The following ATP8A2 variants were observed in gnomAD, a reference collection of about 807,000 sequenced individuals.
ATP8A2 encodes the protein ATPase phospholipid transporting 8A2.
ATP8A2 carries 100 observed loss-of-function variants against 165.6 expected under a neutral mutation model. That is an observed-to-expected ratio of 0.60 (90% CI 0.51 to 0.71). The LOEUF is 0.71. Ranked by LOEUF, ATP8A2 falls within the 30% of genes least tolerant of loss-of-function variation. The pLI is 0.00. For missense variants in ATP8A2, 1,227 were observed against 1,479.5 expected (o/e 0.83, Z 2.80); for synonymous variants, 543 against 548.8 (o/e 0.99, Z 0.15).
chr13:25,406,595 GACAAGGAGGGCTC>G (rs1256590111), intron 1 of ATP8A2, among the ~76,000 whole-genome samples: 1 of 152,166 alleles, frequency 6.6e-6, no homozygotes, highest in Non-Finnish European at 1.5e-5. Context: ...ATGCAGAAAG[GACAAGGAGGGCTC>G]ACAGAGGAGG....
chr13:25,850,276 G>A (rs945988002), intron 30 of ATP8A2, among the ~76,000 whole-genome samples: 1 of 152,202 alleles, frequency 6.6e-6, no homozygotes, highest in South Asian at 2.1e-4. Context: ...ACACAGGTTT[G>A]GTGAGATCAC....
At chr13:25,667,213 T>C (rs2042172540) in intron 24 of ATP8A2, among the ~76,000 whole-genome samples, 2 of 152,328 alleles carry the variant, frequency 1.3e-5, no homozygotes, top group South Asian at 2.1e-4. Flanking sequence ...GATTATTTCA[T>C]GTAAATGGAA....
At chr13:25,893,065 A>T (rs1182131063) in intron 33 of ATP8A2, among the ~76,000 whole-genome samples, 2 of 151,466 alleles carry the variant, frequency 1.3e-5, no homozygotes, top group East Asian at 1.9e-4. Flanking sequence ...TATTATTATT[A>T]TACTTTTAAG....
rs951426328 is a variant in ATP8A2, at chr13:25,902,247, G to A, written c.3183+39839G>A. Among the ~76,000 whole-genome samples, 5 of 152,106 alleles carry A rather than the reference G, an allele frequency of 3.3e-5. No individual in the cohort carries two copies. In the East Asian group the frequency reaches 5.8e-4, roughly 18 times the overall value. On this transcript the variant is annotated intron_variant, in intron 33 of 36. Coordinates refer to ENST00000381655, the MANE Select transcript of ATP8A2 (RefSeq NM_016529.6). The stretch of plus-strand genomic sequence containing the variant: ...CCGGTCAGAAGACATTGTCTACTTC[G>A]GAGTGATATGCTTATAATCTATCTG...
chr13:25,976,083 G>GT (rs960074365), intron 35 of ATP8A2, among the ~76,000 whole-genome samples: 4 of 151,956 alleles, frequency 2.6e-5, no homozygotes, highest in African/African-American at 4.8e-5. Flanking sequence ...ACTTTCTCTT[G>GT]TTTTTTTGTT....
intron 1 of ATP8A2, among the ~76,000 whole-genome samples, chr13:25,465,711 C>CCTTTCTTTCTTTCT (rs2035630257): frequency 4.7e-5 from 1 of 21,380 alleles, no homozygotes; most frequent in East Asian, 1.9e-3. Flanking sequence ...TTCTTTCTTT[C>CCTTTCTTTCTTTCT]TTTCTTTCTT....
rs74525127 is a variant in ATP8A2 at position 26,002,759 on chromosome 13, G to A, written c.3378-9772G>A. Among the ~76,000 whole-genome samples the A allele has an allele frequency of 6.9e-3, 1,039 of 151,614 alleles. 11 individuals carry two copies. Among genetic ancestry groups the A allele is most frequent in the African/African-American group, 0.024 (1,010 of 41,300 alleles). On this transcript the variant is annotated intron_variant, in intron 35 of 36. Coordinates refer to ENST00000381655, the MANE Select transcript of ATP8A2 (RefSeq NM_016529.6). ...ATGCAGCACTTGTCTTACTGTGCCC[G>A]GTTTATTTCATTTAGCATAGTGTCC...
At chr13:26,011,210 T>C (rs1310286425) in intron 35 of ATP8A2, among the ~76,000 whole-genome samples, 1 of 152,186 alleles carries the variant, frequency 6.6e-6, no homozygotes, top group African/African-American at 2.4e-5. Flanking sequence ...CAGCAGAAAT[T>C]GAGTTTGTCA....
intron 33 of ATP8A2, among the ~76,000 whole-genome samples, chr13:25,881,541 A>G (rs1952977886): frequency 6.6e-6 from 1 of 152,064 alleles, no homozygotes; most frequent in Admixed American, 6.6e-5. Context: ...TTCGTTATGT[A>G]TACAAAAAGG....
chr13:25,883,962 A>G (rs949817514), intron 33 of ATP8A2, among the ~76,000 whole-genome samples: 3 of 152,158 alleles, frequency 2.0e-5, no homozygotes, highest in Non-Finnish European at 1.5e-5. Flanking sequence ...CAGAGCAAGG[A>G]GTATGGGTCT....
intron 27 of ATP8A2, among the ~76,000 whole-genome samples, chr13:25,781,501 T>C (rs887288851): frequency 2.6e-5 from 4 of 152,128 alleles, no homozygotes; most frequent in African/African-American, 9.7e-5. Flanking sequence ...TTTTTGTTTG[T>C]TTTTTGAGAT....
chr13:25,575,006 G>A (rs2039576966), intron 19 of ATP8A2, 149 bp downstream of exon 19: 1 of 464,160 alleles, frequency 2.2e-6, no homozygotes. Flanking sequence ...TTTTCTTCTT[G>A]GAATTTGTGA....
At chr13:25,575,358 A>G (rs1027586954) in intron 19 of ATP8A2, among the ~76,000 whole-genome samples, 1 of 152,246 alleles carries the variant, frequency 6.6e-6, no homozygotes, top group Non-Finnish European at 1.5e-5. Context: ...CCCCAGTACA[A>G]TTTTAAAAAG....
At chr13:25,977,879 A>G (rs9553691) in intron 35 of ATP8A2, among the ~76,000 whole-genome samples, 37,557 of 152,056 alleles carry the variant, frequency 0.25, 5,304 homozygotes, top group East Asian at 0.55. Flanking sequence ...GGAGGGAGGT[A>G]AGTGTGGAGA....
At chr13:25,586,442 A>G (rs1394346266) in intron 23 of ATP8A2, among the ~76,000 whole-genome samples, 2 of 152,182 alleles carry the variant, frequency 1.3e-5, no homozygotes, top group Non-Finnish European at 2.9e-5. Flanking sequence ...AAGGGTCTCA[A>G]GGGAGAGGTG....
intron 29 of ATP8A2, among the ~76,000 whole-genome samples, chr13:25,838,030 C>T (rs1426765228): frequency 6.6e-6 from 1 of 152,096 alleles, no homozygotes; most frequent in Non-Finnish European, 1.5e-5. Context: ...CACAGAGGGG[C>T]GAGATGTGAG....
rs561529211 is a variant in ATP8A2 at position 25,885,514 on chromosome 13, G to A, written c.3183+23106G>A. On this transcript the variant is annotated intron_variant, in intron 33 of 36. Transcript: ENST00000381655. ...CTCACAGAGGCCATCGTAAAGGCTG[G>A]GGAGGAGGGCTGGAGCCTGCTGGGG... 3.3e-5 allele frequency among the ~76,000 whole-genome samples: 5 copies of A among 152,234 alleles called. No homozygotes were observed. In the South Asian group the frequency reaches 1.0e-3, roughly 32 times the overall value.
intron 27 of ATP8A2, among the ~76,000 whole-genome samples, chr13:25,807,128 G>T: frequency 6.8e-6 from 1 of 147,226 alleles, no homozygotes; most frequent in South Asian, 2.2e-4. Context: ...CCATTCTGTA[G>T]GTTGTCTTTT....
intron 15 of ATP8A2, among the ~76,000 whole-genome samples, chr13:25,560,078 G>A (rs1005919426): frequency 6.6e-6 from 1 of 152,164 alleles, no homozygotes; most frequent in African/African-American, 2.4e-5. Flanking sequence ...TCCTCCCGCT[G>A]TGTCTTCCCA....
Sources: gnomAD v4.1 joint callset for allele counts (sites outside exome capture counted in the v4.1 genomes callset) on GRCh38, gnomAD v4.1.1 for gene constraint, MANE v1.5 for transcripts, NCBI Gene and HGNC (gene_info 2026-07-23, HGNC 2026-07-21) for gene names.